The following RPRD1B variants were observed in gnomAD, a reference collection of about 807,000 sequenced individuals.
RPRD1B encodes the protein regulation of nuclear pre-mRNA domain containing 1B.
RPRD1B carries 11 observed loss-of-function variants against 41.5 expected under a neutral mutation model. The observed-to-expected ratio is 0.27, with a 90% CI of 0.17 to 0.44. RPRD1B has a LOEUF of 0.44. RPRD1B is among the 20% of genes least tolerant of loss of function. RPRD1B has a pLI of 1.00. For missense variants in RPRD1B, 248 were observed against 389.9 expected, an observed-to-expected ratio of 0.64 and a Z score of 3.06; for synonymous variants, 158 against 155.6, an observed-to-expected ratio of 1.02 and a Z score of -0.12.
intron 2 of RPRD1B, among the ~76,000 whole-genome samples, chr20:38,047,230 C>T (rs1166619578): frequency 1.3e-5 from 2 of 151,686 alleles, no homozygotes; most frequent in Non-Finnish European, 2.9e-5. Context: ...AAAAGTTTAA[C>T]AAAAAAAGAA....
At chr20:38,041,849 G>A (rs909477643) in intron 2 of RPRD1B, among the ~76,000 whole-genome samples, 1 of 152,186 alleles carries the variant, frequency 6.6e-6, no homozygotes, top group East Asian at 1.9e-4. Context: ...TACAATGCCT[G>A]TTCCACATTT....
chr20:38,088,353 A>G (rs747780968), intron 6 of RPRD1B, among the ~76,000 whole-genome samples: 9 of 152,248 alleles, frequency 5.9e-5, no homozygotes, highest in Non-Finnish European at 1.2e-4. Flanking sequence ...CTTGAAAAGA[A>G]GTGTTATGGT....
chr20:38,086,571 G>A (rs944057930), intron 6 of RPRD1B, among the ~76,000 whole-genome samples: 2 of 152,308 alleles, frequency 1.3e-5, no homozygotes, highest in Admixed American at 1.3e-4. Flanking sequence ...CTGGCCTCAA[G>A]CAGTCTGTCT....
At chr20:38,035,646 C>T (rs1240760074) in intron 1 of RPRD1B, among the ~76,000 whole-genome samples, 1 of 152,188 alleles carries the variant, frequency 6.6e-6, no homozygotes. Context: ...CTTCATGTAC[C>T]CCACTGTGCC....
chr20:38,071,023 T>C (rs1483749025), intron 6 of RPRD1B, among the ~76,000 whole-genome samples: 1 of 152,216 alleles, frequency 6.6e-6, no homozygotes, highest in African/African-American at 2.4e-5. Flanking sequence ...TGCGCCTCCA[T>C]GCCTGGCCTT....
At chr20:38,088,906 G>T (rs2074587286) in intron 6 of RPRD1B, among the ~76,000 whole-genome samples, 1 of 152,190 alleles carries the variant, frequency 6.6e-6, no homozygotes, top group Non-Finnish European at 1.5e-5. Flanking sequence ...AGGAGTGGAG[G>T]CCAGGCTTTG....
At position 38,091,988 on chromosome 20, in the gene RPRD1B, G is replaced by A. The variant is rs935624599; in HGVS notation, c.*2113G>A. 10 of 985,814 alleles carry A rather than the reference G, an allele frequency of 1.0e-5. No homozygotes were observed. Among genetic ancestry groups the A allele is most frequent in the African/African-American group, 3.5e-5 (2 of 57,352 alleles). The allele number at this position is 985,814 out of a possible 1,614,324, so 61.1% of individuals were successfully genotyped here. The stretch of plus-strand genomic sequence containing the variant: ...TTTTTTGTTTTGATGAAATGCTTTC[G>A]TTTTTTAAATCTTAATTCTGCTGTC... On this transcript the variant is annotated 3_prime_UTR_variant, in exon 7 of 7. Transcript: ENST00000373433.
intron 2 of RPRD1B, among the ~76,000 whole-genome samples, chr20:38,040,907 T>C (rs2074059646): frequency 6.6e-6 from 1 of 152,256 alleles, no homozygotes; most frequent in Non-Finnish European, 1.5e-5. Context: ...AGGGAACCTT[T>C]TAGTAACATA....
intron 4 of RPRD1B, among the ~76,000 whole-genome samples, chr20:38,058,077 T>G (rs529012436): frequency 6.6e-6 from 1 of 152,280 alleles, no homozygotes; most frequent in South Asian, 2.1e-4. Flanking sequence ...CTATTAAATA[T>G]TGAAACAAGG....
At chr20:38,082,387 GT>G (rs1246183900) in intron 6 of RPRD1B, among the ~76,000 whole-genome samples, 1 of 151,856 alleles carries the variant, frequency 6.6e-6, no homozygotes, top group Non-Finnish European at 1.5e-5. Flanking sequence ...TTGTTGTTTT[GT>G]TTTTGTTTTT....
At position 38,034,016 on chromosome 20, in the gene RPRD1B, G is replaced by A. The variant is rs770873244; in HGVS notation, c.69G>A (p.Val23=). The change falls in exon 1 of 7, where the codon GTG becomes GTA. Residue 23 remains valine, a synonymous_variant. Transcript: ENST00000373433. ...LSELSNSQQS[V]QTLSLWLIHH... is the part of the protein sequence containing the mutation. The stretch of plus-strand genomic sequence containing the variant: ...AGCTGAGCAACTCTCAGCAGAGCGT[G>A]CAGACCCTGTCCCTTTGGCTCATCC... 2.5e-6 allele frequency: 4 copies of A among 1,614,082 alleles called. No individual in the cohort carries two copies. The highest frequency in any genetic ancestry group is 3.4e-6 in the Non-Finnish European group (4 of 1,180,040).
intron 6 of RPRD1B, among the ~76,000 whole-genome samples, chr20:38,076,148 T>C (rs992468092): frequency 5.3e-5 from 8 of 152,196 alleles, no homozygotes; most frequent in Admixed American, 5.2e-4. Flanking sequence ...CTGTGGGGCA[T>C]AGACTCAGTA....
In RPRD1B at chr20:38,091,486, GTGT is replaced by G. The variant is rs1394532816; in HGVS notation, c.*1616_*1618del. On this transcript the variant is annotated 3_prime_UTR_variant, in exon 7 of 7. Transcript: ENST00000373433. ...TTATTCAGATTTGAATTCAGACTGT[GTGT>G]TGTTTGCTTATGGACACTGCCTGTC... 1.0e-6 allele frequency: 1 copy of G among 985,436 alleles called. No individual in the cohort carries two copies. Among genetic ancestry groups the G allele is most frequent in the Non-Finnish European group, 1.2e-6 (1 of 829,938 alleles). The allele number at this position is 985,436 out of a possible 1,614,324, so 61.0% of individuals were successfully genotyped here.
In RPRD1B at chr20:38,033,857, C is replaced by T. The variant is rs1387072262; in HGVS notation, c.-91C>T. 1.5e-6 allele frequency: 2 copies of T among 1,317,228 alleles called. No individual in the cohort carries two copies. Among genetic ancestry groups the T allele is most frequent in the Non-Finnish European group, 2.1e-6 (2 of 972,886 alleles). 81.6% of individuals were successfully genotyped at this position (1,317,228 alleles called of 1,614,324 possible). ...GTCAGTCGGTAAAAAGTCCCGCAGC[C>T]TGTCAGGTGAGGCCCCGGCCTCGTG... On this transcript the variant is annotated 5_prime_UTR_variant, in exon 1 of 7. Transcript: ENST00000373433.
At chr20:38,087,133 AT>A (rs1187032501) in intron 6 of RPRD1B, among the ~76,000 whole-genome samples, 4 of 151,666 alleles carry the variant, frequency 2.6e-5, no homozygotes, top group Non-Finnish European at 4.4e-5. Context: ...TAACTTTTGT[AT>A]TTCTTAGTAG....
At chr20:38,048,552 G>A (rs2074144859) in intron 3 of RPRD1B, 71 bp downstream of exon 3, 7 of 1,539,494 alleles carry the variant, frequency 4.5e-6, no homozygotes, top group Non-Finnish European at 6.2e-6. Context: ...AAAAGCTGCA[G>A]TGGGGTTTGC....
In RPRD1B at chr20:38,092,327, G is replaced by A; in HGVS notation, c.*2452G>A. 2 of 984,450 alleles carry A rather than the reference G, an allele frequency of 2.0e-6. No homozygotes were observed. The highest frequency in any genetic ancestry group is 2.4e-6 in the Non-Finnish European group (2 of 828,698). 61.0% of individuals were successfully genotyped at this position (984,450 alleles called of 1,614,324 possible). A position where few individuals can be genotyped will look rare whatever the true frequency, so the allele number is the denominator to read the frequency against. On this transcript the variant is annotated 3_prime_UTR_variant, in exon 7 of 7. Coordinates refer to ENST00000373433, the MANE Select transcript of RPRD1B (RefSeq NM_021215.4). ...GCAGTATATTCTGAAATGTCTCATA[G>A]ATATATATTTTTGAATAAAGATGGT...
chr20:38,041,704 A>G (rs2122695292), intron 2 of RPRD1B, among the ~76,000 whole-genome samples: 1 of 152,316 alleles, frequency 6.6e-6, no homozygotes, highest in African/African-American at 2.4e-5. Flanking sequence ...TGCCTCAGAC[A>G]CTATGTGAGT....
At chr20:38,071,986 A>G (rs999119385) in intron 6 of RPRD1B, among the ~76,000 whole-genome samples, 4 of 152,100 alleles carry the variant, frequency 2.6e-5, no homozygotes, top group Non-Finnish European at 4.4e-5. Flanking sequence ...TTTCTAGGTA[A>G]TATCCTTTGA....
Sources: allele counts gnomAD v4.1 joint callset (sites outside exome capture counted in the v4.1 genomes callset), GRCh38; gene constraint gnomAD v4.1.1; transcripts MANE v1.5; gene names NCBI Gene and HGNC (gene_info 2026-07-23, HGNC 2026-07-21).